The following INTS2 variants were observed in gnomAD, a reference collection of about 807,000 sequenced individuals.
The protein encoded by INTS2 is KIAA1287.
INTS2 carries 57 observed loss-of-function variants against 139.6 expected under a neutral mutation model. The ratio of observed to expected loss-of-function variants is 0.41; its 90% CI spans 0.33 to 0.51. The LOEUF (loss-of-function observed/expected upper bound fraction) is 0.51, where lower values mean the gene tolerates loss of function less well. Among genes scored for constraint, INTS2 ranks in the 20% least tolerant of loss-of-function variants. The pLI is 0.28. For missense variants in INTS2, 1,196 were observed against 1,436.7 expected (o/e 0.83, Z 2.71); for synonymous variants, 473 against 493.4 (o/e 0.96, Z 0.55).
intron 5 of INTS2, among the ~76,000 whole-genome samples, chr17:61,915,129 G>T (rs1299017337): frequency 6.6e-6 from 1 of 151,822 alleles, no homozygotes; most frequent in Admixed American, 6.6e-5. Flanking sequence ...ACAAGGTCAG[G>T]AGATCAAGAC....
intron 16 of INTS2, among the ~76,000 whole-genome samples, chr17:61,884,190 C>A (rs556512494): frequency 6.6e-6 from 1 of 152,010 alleles, no homozygotes; most frequent in South Asian, 2.1e-4. Context: ...AAAAAACAAG[C>A]CTTAGATGAG....
chr17:61,883,405 C>G (rs185225351), intron 16 of INTS2, among the ~76,000 whole-genome samples: 1 of 151,294 alleles, frequency 6.6e-6, no homozygotes, highest in African/African-American at 2.4e-5. Flanking sequence ...TGCAGACATC[C>G]GGTTAACGAT....
intron 11 of INTS2, among the ~76,000 whole-genome samples, chr17:61,896,807 C>T (rs1603377931): frequency 6.6e-6 from 1 of 152,120 alleles, no homozygotes; most frequent in Admixed American, 6.5e-5. Context: ...TTCTTACTAA[C>T]GGTAAGAGTT....
In INTS2 at chr17:61,881,166, G is replaced by T; in HGVS notation, c.2095C>A (p.His699Asn). 1 of 1,608,510 alleles carries T rather than the reference G, an allele frequency of 6.2e-7. No individual in the cohort carries two copies. Residue 699 changes from histidine to asparagine, a missense_variant, in exon 17 of 25, where the codon CAT becomes AAT. Physicochemically the swap from His to Asn is moderately conservative, Grantham distance 68. Transcript: ENST00000251334. The stretch of plus-strand genomic sequence containing the variant: ...GCAAGGAGACGTAGTAAAGCTGAAT[G>T]CAACCCTTGAAAATTTACAGAAAAT... Reference protein sequence around the residue: ...QGLQQELGGLHSALLRLLATN... With the variant: ...QGLQQELGGLNSALLRLLATN...
chr17:61,880,801 A>AGGGGAAAG (rs1178667516), intron 17 of INTS2, among the ~76,000 whole-genome samples: 1 of 122,048 alleles, frequency 8.2e-6, no homozygotes, highest in South Asian at 3.1e-4. Flanking sequence ...AAGGAGTAAA[A>AGGGGAAAG]GGGGAAAGGG....
intron 5 of INTS2, among the ~76,000 whole-genome samples, chr17:61,914,055 A>T (rs2079553142): frequency 6.6e-6 from 1 of 151,922 alleles, no homozygotes; most frequent in South Asian, 2.1e-4. Flanking sequence ...TGGTCTATGT[A>T]TACAGTCTAA....
intron 8 of INTS2, among the ~76,000 whole-genome samples, chr17:61,906,595 G>A (rs139124270): frequency 1.3e-5 from 2 of 152,182 alleles, no homozygotes; most frequent in Admixed American, 6.6e-5. Context: ...ATAAACTGGC[G>A]TAACTGAAAC....
chr17:61,870,056 T>C lies in INTS2; in HGVS notation c.2779-68A>G, dbSNP rs1232512173. 1.4e-6 allele frequency: 2 copies of C among 1,390,976 alleles called. No individual in the cohort carries two copies. Among genetic ancestry groups the C allele is most frequent in the Middle Eastern group, 2.5e-4 (1 of 3,984 alleles). The allele number at this position is 1,390,976 out of a possible 1,614,324, so 86.2% of individuals were successfully genotyped here. On this transcript the variant is annotated intron_variant, in intron 20 of 24. Coordinates refer to ENST00000251334, the MANE Select transcript of INTS2 (RefSeq NM_001351695.2). This position sits in a 1 kb window ranked among gnomAD's most constrained non-coding sequence, Gnocchi z 4.4. ...AAGTTAAAAAACAAATCAGATTTTA[T>C]TTTCACATGAACAGATATGATAAAA...
At position 61,926,653 on chromosome 17, in the gene INTS2, T is replaced by C. The variant is rs768593886; in HGVS notation, c.-9A>G. On this transcript the variant is annotated 5_prime_UTR_variant, in exon 2 of 25. Coordinates refer to ENST00000251334, the MANE Select transcript of INTS2 (RefSeq NM_001351695.2). ...CTTGTACATTCAGTCATTATTACTG[T>C]TTGTTGATCCTAATGGTAAAAATAC... The C allele has an allele frequency of 4.4e-6, 7 of 1,601,446 alleles. No individual in the cohort carries two copies. The highest frequency in any genetic ancestry group is 1.7e-5 in the Admixed American group (1 of 57,630).
chr17:61,918,177 A>C (rs976354446), intron 5 of INTS2, among the ~76,000 whole-genome samples: 2 of 152,222 alleles, frequency 1.3e-5, no homozygotes, highest in African/African-American at 4.8e-5. Flanking sequence ...TATTCAATAA[A>C]TCTCTTAAAA....
intron 1 of INTS2, chr17:61,927,051 A>T (rs1204889950): frequency 8.8e-6 from 2 of 226,852 alleles, no homozygotes; most frequent in East Asian, 2.4e-4. Context: ...CAGTCACATG[A>T]GCTCCACAAA....
intron 11 of INTS2, among the ~76,000 whole-genome samples, chr17:61,896,470 A>G (rs948449833): frequency 2.6e-5 from 4 of 152,142 alleles, no homozygotes; most frequent in African/African-American, 9.7e-5. Context: ...TTACATGTCA[A>G]CTGTAAAATG....
Position 61,874,904 on chromosome 17 carries a change from G to T in INTS2, c.2582+9C>A. 1.3e-6 allele frequency: 2 copies of T among 1,558,988 alleles called. No homozygotes were observed. The highest frequency in any genetic ancestry group is 2.5e-5 in the South Asian group (2 of 81,350). The stretch of plus-strand genomic sequence containing the variant: ...TCTATAATAAAAATGAAACTCAAAT[G>T]ACATGTACCTGTGAACCCTCTGATC... On this transcript the variant is annotated intron_variant, in intron 19 of 24. Coordinates refer to ENST00000251334, the MANE Select transcript of INTS2 (RefSeq NM_001351695.2).
At chr17:61,881,833 G>C (rs1017025131) in intron 16 of INTS2, among the ~76,000 whole-genome samples, 1 of 152,168 alleles carries the variant, frequency 6.6e-6, no homozygotes, top group African/African-American at 2.4e-5. Flanking sequence ...AGTGAGGTGG[G>C]AACTACTACT....
intron 9 of INTS2, among the ~76,000 whole-genome samples, chr17:61,900,237 T>C (rs1244744598): frequency 2.6e-5 from 4 of 152,198 alleles, no homozygotes; most frequent in Non-Finnish European, 5.9e-5. Context: ...CTCAGGCTAC[T>C]CCAGGCAGTT....
intron 15 of INTS2, among the ~76,000 whole-genome samples, chr17:61,886,296 C>G (rs1017744468): frequency 1.3e-5 from 2 of 152,202 alleles, no homozygotes; most frequent in Non-Finnish European, 2.9e-5. Flanking sequence ...GGTGATCCAC[C>G]AGCCCCAGCA....
intron 5 of INTS2, among the ~76,000 whole-genome samples, chr17:61,914,793 G>C (rs1310105389): frequency 6.6e-6 from 1 of 151,032 alleles, no homozygotes; most frequent in Non-Finnish European, 1.5e-5. Context: ...AGGATCACTC[G>C]AGCCTGGGAG....
intron 9 of INTS2, among the ~76,000 whole-genome samples, chr17:61,902,741 C>T (rs534918280): frequency 1.3e-4 from 20 of 150,950 alleles, no homozygotes; most frequent in Non-Finnish European, 2.1e-4. Context: ...GGTAGTGGAA[C>T]GTGCCTTAGT....
intron 12 of INTS2, chr17:61,894,142 G>C (rs1323377042): frequency 4.0e-6 from 1 of 253,058 alleles, no homozygotes; most frequent in East Asian, 7.5e-5. Flanking sequence ...GTGTGATAAG[G>C]TAAAAAAATA....
Sources: allele counts gnomAD v4.1 joint callset (sites outside exome capture counted in the v4.1 genomes callset), GRCh38; gene constraint gnomAD v4.1.1; non-coding constraint Gnocchi (gnomAD v3.1); transcripts MANE v1.5; gene names NCBI Gene and HGNC (gene_info 2026-07-23, HGNC 2026-07-21).